PDE11A: variants seen among roughly 807,000 people sequenced by gnomAD.
PDE11A encodes the protein phosphodiesterase 11A.
Under a neutral mutation model 100.5 loss-of-function variants are expected in PDE11A, and 100 were observed. The observed-to-expected ratio is 1.00, with a 90% CI of 0.85 to 1.18. The LOEUF (loss-of-function observed/expected upper bound fraction) is 1.18, where lower values mean the gene tolerates loss of function less well. PDE11A is among the 50% of genes most tolerant of loss of function. The pLI, the probability that PDE11A is intolerant of heterozygous loss-of-function variation, is 0.00. For synonymous variants in PDE11A, 381 were observed against 420.8 expected (o/e 0.91, Z 1.16); for missense variants, 1,141 against 1,152.6 (o/e 0.99, Z 0.15).
chr2:177,989,048 G>A (rs998615266), intron 2 of PDE11A, among the ~76,000 whole-genome samples: 3 of 152,162 alleles, frequency 2.0e-5, no homozygotes, highest in Admixed American at 6.5e-5. Flanking sequence ...TGCTAACTGC[G>A]TTCAAAGATC....
chr2:177,785,909 A>G (rs1044004983), intron 9 of PDE11A, among the ~76,000 whole-genome samples: 2 of 152,250 alleles, frequency 1.3e-5, no homozygotes, highest in African/African-American at 4.8e-5. Context: ...GGAGCCCACC[A>G]CAGCTCAAGG....
At chr2:177,705,062 G>A (rs113834731) in intron 13 of PDE11A, among the ~76,000 whole-genome samples, 1 of 152,154 alleles carries the variant, frequency 6.6e-6, no homozygotes, top group African/African-American at 2.4e-5. Context: ...GGCTGGTCTC[G>A]AACTCCTGAC....
chr2:177,748,048 A>G (rs1362922466), intron 10 of PDE11A, among the ~76,000 whole-genome samples: 2 of 152,100 alleles, frequency 1.3e-5, no homozygotes, highest in Non-Finnish European at 2.9e-5. Flanking sequence ...GCCCTGCTCA[A>G]TCTTTCTTAG....
intron 5 of PDE11A, among the ~76,000 whole-genome samples, chr2:177,851,708 T>C (rs1001393723): frequency 1.6e-4 from 25 of 152,128 alleles, no homozygotes; most frequent in Non-Finnish European, 2.9e-4. Flanking sequence ...TCCATACAGA[T>C]GACTCTTTCT....
At position 177,688,392 on chromosome 2, in the gene PDE11A, G is replaced by C. The variant is rs556974871; in HGVS notation, c.2346-7489C>G. 3.3e-5 allele frequency: 5 copies of C among 152,318 alleles called. No homozygotes were observed. In the East Asian group the frequency reaches 7.7e-4, roughly 23 times the overall value. 9.4% of individuals were successfully genotyped at this position (152,318 alleles called of 1,614,324 possible). On this transcript the variant is annotated intron_variant, in intron 15 of 19. Coordinates refer to ENST00000286063, the MANE Select transcript of PDE11A (RefSeq NM_016953.4). ...TGGGAACAAGTTTGCCTATACAGCT[G>C]TTCTGTTAGCATCTAAATGTACATG...
chr2:178,018,454 T>G, intron 1 of PDE11A: 1 of 514,454 alleles, frequency 1.9e-6, no homozygotes, highest in African/African-American at 1.9e-5. Context: ...TGCCATGCTG[T>G]GGAAGCTCTG....
chr2:177,657,184 A>G (rs1339977329), intron 19 of PDE11A, among the ~76,000 whole-genome samples: 1 of 152,240 alleles, frequency 6.6e-6, no homozygotes, highest in Non-Finnish European at 1.5e-5. Context: ...TATTTGACTA[A>G]TAACACATAG....
intron 6 of PDE11A, among the ~76,000 whole-genome samples, chr2:177,822,005 AT>A: frequency 6.6e-6 from 1 of 151,928 alleles, no homozygotes; most frequent in Non-Finnish European, 1.5e-5. Flanking sequence ...TCTGCAAGAT[AT>A]ATGTATTACA....
rs572485739 is a variant in PDE11A at position 177,740,956 on chromosome 2, C to T, written c.1789-12784G>A. 6.6e-5 allele frequency among the ~76,000 whole-genome samples: 10 copies of T among 152,246 alleles called. No individual in the cohort carries two copies. The South Asian group carries it at 1.2e-3, about 19-fold the overall frequency. ...TGTGCATTTGAATCTGAGTTTGCTGCGTGCTAAAGCTGTGGCCTTGAGCAT... is the reference window on the plus strand; with the variant it reads ...TGTGCATTTGAATCTGAGTTTGCTGTGTGCTAAAGCTGTGGCCTTGAGCAT... On this transcript the variant is annotated intron_variant, in intron 10 of 19. Coordinates refer to ENST00000286063, the MANE Select transcript of PDE11A (RefSeq NM_016953.4).
rs568878219 is a variant in PDE11A, at chr2:177,630,417, T to C, written c.2647-855A>G. ...AGCCCTAAAAGTAAGATGGCTTACT[T>C]TAATTTAATGCAAATGAGTCCATCT... On this transcript the variant is annotated intron_variant, in intron 19 of 19. Coordinates refer to ENST00000286063, the MANE Select transcript of PDE11A (RefSeq NM_016953.4). Among the ~76,000 whole-genome samples the C allele has an allele frequency of 9.0e-4, 137 of 152,312 alleles. 1 individual carries two copies. In the Middle Eastern group the frequency reaches 0.01, roughly 11 times the overall value.
chr2:177,891,481 A>ACTT (rs1319712307), intron 4 of PDE11A, among the ~76,000 whole-genome samples: 7 of 152,344 alleles, frequency 4.6e-5, no homozygotes, highest in African/African-American at 1.7e-4. Context: ...GCTTATTCTC[A>ACTT]TCAGAATTGA....
intron 5 of PDE11A, among the ~76,000 whole-genome samples, chr2:177,852,305 G>T (rs1243875747): frequency 6.6e-6 from 1 of 152,168 alleles, no homozygotes; most frequent in Non-Finnish European, 1.5e-5. Flanking sequence ...ACCCAGTGAG[G>T]GGTAGGAGCC....
chr2:178,087,353 C>CAAAAAA (rs1198466173), intron 2 of PDE11A, among the ~76,000 whole-genome samples: 1 of 82,810 alleles, frequency 1.2e-5, no homozygotes, highest in Non-Finnish European at 2.5e-5. Flanking sequence ...GACTCCAACT[C>CAAAAAA]AAAAAAAAAA....
intron 2 of PDE11A, among the ~76,000 whole-genome samples, chr2:177,919,725 G>A (rs2085012911): frequency 6.6e-6 from 1 of 151,844 alleles, no homozygotes; most frequent in African/African-American, 2.4e-5. Flanking sequence ...TCAATTACCT[G>A]TCCAAATTAA....
In PDE11A at chr2:177,626,062, GGT is replaced by G. The variant is rs1464155922; in HGVS notation, c.*3343_*3344del. The stretch of plus-strand genomic sequence containing the variant: ...GCTCCACTGTATGGCAGATTGCAAT[GGT>G]GTTGAACTCCCCTTGCTACCAGTGG... On this transcript the variant is annotated 3_prime_UTR_variant, in exon 20 of 20. Coordinates refer to ENST00000286063, the MANE Select transcript of PDE11A (RefSeq NM_016953.4). 1 of 152,560 alleles carries G rather than the reference GGT, an allele frequency of 6.6e-6. No individual in the cohort carries two copies. The highest frequency in any genetic ancestry group is 2.4e-5 in the African/African-American group (1 of 41,412). 9.5% of individuals were successfully genotyped at this position (152,560 alleles called of 1,614,324 possible). A position where few individuals can be genotyped will look rare whatever the true frequency, so the allele number is the denominator to read the frequency against.
chr2:178,033,616 A>G (rs1001037888), intron 1 of PDE11A, among the ~76,000 whole-genome samples: 3 of 152,182 alleles, frequency 2.0e-5, no homozygotes, highest in African/African-American at 7.2e-5. Flanking sequence ...TCCAAGGTTG[A>G]AACAAAGGAA....
intron 6 of PDE11A, among the ~76,000 whole-genome samples, chr2:177,826,014 C>G (rs1489458028): frequency 6.6e-6 from 1 of 152,136 alleles, no homozygotes; most frequent in East Asian, 1.9e-4. Context: ...AAAAAATCTG[C>G]TTTATTGTTC....
intron 5 of PDE11A, among the ~76,000 whole-genome samples, chr2:177,850,485 C>G (rs561210481): frequency 6.6e-6 from 1 of 152,308 alleles, no homozygotes; most frequent in Non-Finnish European, 1.5e-5. Flanking sequence ...GCAAGGACTT[C>G]ATGTCTAAAA....
At position 177,675,314 on chromosome 2, in the gene PDE11A, T is replaced by C. The variant is rs150385176; in HGVS notation, c.2487+141A>G. On this transcript the variant is annotated intron_variant, in intron 17 of 19. Transcript: ENST00000286063. Reference sequence around the variant, plus strand: ...TAAACTGTGTCGTGCCTAAGCCTCCTGCTATTTTTTACACCATGTTAATAC... The same window carrying C: ...TAAACTGTGTCGTGCCTAAGCCTCCCGCTATTTTTTACACCATGTTAATAC... 2,892 of 693,442 alleles carry C rather than the reference T, an allele frequency of 4.2e-3. 25 individuals carry two copies. The highest frequency in any genetic ancestry group is 0.02 in the African/African-American group (1,143 of 56,194). 43.0% of individuals were successfully genotyped at this position (693,442 alleles called of 1,614,324 possible).
Sources: gnomAD v4.1 joint callset for allele counts (sites outside exome capture counted in the v4.1 genomes callset) on GRCh38, gnomAD v4.1.1 for gene constraint, MANE v1.5 for transcripts, NCBI Gene and HGNC (gene_info 2026-07-23, HGNC 2026-07-21) for gene names.